GPR173: variants seen among roughly 807,000 people sequenced by gnomAD.
The protein encoded by GPR173 is G protein-coupled receptor 173.
A neutral mutation model predicts 13.9 loss-of-function variants in GPR173; 2 were observed. That is an observed-to-expected ratio of 0.14 (90% confidence interval 0.06 to 0.45). GPR173 has a LOEUF of 0.45. Ranked by LOEUF, GPR173 falls within the 20% of genes least tolerant of loss-of-function variation. The probability of loss-of-function intolerance (pLI) is 0.98; values close to 1 mark genes in which losing one functional copy is unlikely to be tolerated. For synonymous variants in GPR173, 131 were observed against 141.0 expected (o/e 0.93, Z 0.50); for missense variants, 202 against 340.5 (o/e 0.59, Z 3.20).
intron 1 of GPR173, among the ~76,000 whole-genome samples, chrX:53,060,045 T>C (rs199696900): frequency 1.4e-4 from 12 of 88,029 alleles, no homozygotes; most frequent in African/African-American, 3.4e-4. Flanking sequence ...CACACACACA[T>C]ACACACACGC....
In GPR173 at chrX:53,061,978, G is replaced by GGAAGA. The variant is rs201202237; in HGVS notation, c.-98+12498_-98+12499insAGAAG. ...GAGAGAGAAAGAGAGAGAAGAGAAG[G>GGAAGA]GAAGGGAAGAGAAAGAAGAGAAGAG... is the stretch of plus-strand genomic sequence containing the variant. On this transcript the variant is annotated intron_variant, in intron 1 of 1. Transcript: ENST00000332582. Among the ~76,000 whole-genome samples, 501 of 71,403 alleles carry GGAAGA rather than the reference G, an allele frequency of 7.0e-3. 5 individuals are homozygous for GGAAGA. Among genetic ancestry groups the GGAAGA allele is most frequent in the African/African-American group, 0.042 (418 of 10,049 alleles). 62.0% of individuals were successfully genotyped at this position (71,403 alleles called of 115,157 possible). A position where few individuals can be genotyped will look rare whatever the true frequency, so the allele number is the denominator to read the frequency against.
intron 1 of GPR173, among the ~76,000 whole-genome samples, chrX:53,059,951 G>A (rs1602089908): frequency 9.7e-6 from 1 of 103,620 alleles, no homozygotes; most frequent in African/African-American, 3.5e-5. Flanking sequence ...TCTCGCCATC[G>A]CACTCCAGCC....
chrX:53,066,659 C>CA (rs113775543), intron 1 of GPR173, among the ~76,000 whole-genome samples: 31,892 of 96,413 alleles, frequency 0.33, 4,778 homozygotes, highest in African/African-American at 0.55. Flanking sequence ...CAGCGAGACT[C>CA]AAAAAAAAAA....
intron 1 of GPR173, among the ~76,000 whole-genome samples, chrX:53,053,170 G>A (rs1931986527): frequency 8.9e-6 from 1 of 112,849 alleles, no homozygotes; most frequent in Non-Finnish European, 1.9e-5. Context: ...AAGTCTATGT[G>A]CATGTGAACA....
rs934047762 is a variant in GPR173 at position 53,079,690 on chromosome X, G to C, written c.*1947G>C. 5 of 121,519 alleles carry C rather than the reference G, an allele frequency of 4.1e-5. No individual in the cohort carries two copies. In the Admixed American group the frequency reaches 4.8e-4, roughly 12 times the overall value. The allele number at this position is 121,519 out of a possible 1,213,427, so 10.0% of individuals were successfully genotyped here. ...TGTGTGTCTGTGTGACTTTGTGTGG[G>C]GAGGCACTCCTGAAGAAAACTTGCC... On this transcript the variant is annotated 3_prime_UTR_variant, in exon 2 of 2. Transcript: ENST00000332582.
intron 1 of GPR173, among the ~76,000 whole-genome samples, chrX:53,067,622 A>G (rs7049463): frequency 0.013 from 1,398 of 111,183 alleles, 18 homozygotes; most frequent in African/African-American, 0.041. Context: ...TCAGGAGATC[A>G]AGACCATCCT....
rs1932513848 is a variant in GPR173, at chrX:53,080,155, G to GGACT, written c.*2414_*2417dup. ...CCCCACAAAGTAATGGCTTCTGGAG[G>GGACT]GACTGCTCAGTCTGGGATGGGAGCC... On this transcript the variant is annotated 3_prime_UTR_variant, in exon 2 of 2. Coordinates refer to ENST00000332582, the MANE Select transcript of GPR173 (RefSeq NM_018969.6). The GGACT allele has an allele frequency of 8.2e-6, 1 of 122,102 alleles. No individual in the cohort carries two copies. Among genetic ancestry groups the GGACT allele is most frequent in the Admixed American group, 9.6e-5 (1 of 10,427 alleles). The allele number at this position is 122,102 out of a possible 1,213,427, so 10.1% of individuals were successfully genotyped here.
chrX:53,073,410 G>T (rs1203947104), intron 1 of GPR173, among the ~76,000 whole-genome samples: 11 of 110,129 alleles, frequency 1.0e-4, no homozygotes, highest in Non-Finnish European at 1.5e-4. Flanking sequence ...CTGCCCAATT[G>T]CCTCACTGCC....
Position 53,077,857 on chromosome X carries a change from A to G in GPR173, c.*114A>G, listed in dbSNP as rs1303941606. On this transcript the variant is annotated 3_prime_UTR_variant, in exon 2 of 2. Transcript: ENST00000332582. The stretch of plus-strand genomic sequence containing the variant: ...GTCCTCCTTTCTGAGCTCCAGCCCC[A>G]GCCCCTCGAACCACCTGTAATCTAG... 2.4e-5 allele frequency: 14 copies of G among 586,865 alleles called. No homozygotes were observed. The highest frequency in any genetic ancestry group is 3.1e-5 in the South Asian group (1 of 32,671). The allele number at this position is 586,865 out of a possible 1,213,427, so 48.4% of individuals were successfully genotyped here. A position where few individuals can be genotyped will look rare whatever the true frequency, so the allele number is the denominator to read the frequency against.
intron 1 of GPR173, among the ~76,000 whole-genome samples, chrX:53,062,572 CTTTTTTTTT>C (rs1165015535): frequency 9.8e-5 from 4 of 41,011 alleles, no homozygotes; most frequent in Admixed American, 2.5e-4. Flanking sequence ...TTGTCTTCTT[CTTTTTTTTT>C]TTTTTTTTTT....
At chrX:53,064,232 C>T (rs1188838352) in intron 1 of GPR173, among the ~76,000 whole-genome samples, 3 of 111,752 alleles carry the variant, frequency 2.7e-5, no homozygotes, top group Middle Eastern at 4.2e-3. Context: ...TAGTCCATTT[C>T]GCGCTACTAT....
At chrX:53,073,478 T>G (rs982569991) in intron 1 of GPR173, among the ~76,000 whole-genome samples, 30 of 110,411 alleles carry the variant, frequency 2.7e-4, no homozygotes, top group African/African-American at 9.6e-4. Context: ...GGAGCTCTCC[T>G]CTTTCCTGCA....
intron 1 of GPR173, among the ~76,000 whole-genome samples, chrX:53,057,865 C>T (rs1396500388): frequency 1.8e-5 from 2 of 112,576 alleles, no homozygotes; most frequent in African/African-American, 3.2e-5. Flanking sequence ...GTCCTCTGCA[C>T]CATATAAGCC....
intron 1 of GPR173, among the ~76,000 whole-genome samples, chrX:53,062,547 GA>G (rs371168005): frequency 0.01 from 408 of 40,748 alleles, 8 homozygotes; most frequent in African/African-American, 0.033. Flanking sequence ...AAATCCAACA[GA>G]AAAAAAAAAA....
intron 1 of GPR173, among the ~76,000 whole-genome samples, chrX:53,072,393 G>GCTCTCTCTCTCTCTCTCTCTCT (rs111935395): frequency 3.3e-5 from 3 of 90,072 alleles, no homozygotes; most frequent in Admixed American, 1.2e-4. Context: ...TCTCTCTCTT[G>GCTCTCTCTCTCTCTCTCTCTCT]CTCTCTCTCT....
intron 1 of GPR173, among the ~76,000 whole-genome samples, chrX:53,057,442 A>T (rs1438206080): frequency 9.9e-6 from 1 of 101,307 alleles, no homozygotes; most frequent in Non-Finnish European, 2.0e-5. Flanking sequence ...AGAAAGAAAG[A>T]AAAAGAAAAA....
intron 1 of GPR173, among the ~76,000 whole-genome samples, chrX:53,067,397 CT>C (rs1393001681): frequency 2.7e-4 from 30 of 112,127 alleles, no homozygotes; most frequent in Non-Finnish European, 2.1e-4. Context: ...TAAAAATATT[CT>C]AACCCATCTC....
chrX:53,060,472 C>T (rs1220533756), intron 1 of GPR173, among the ~76,000 whole-genome samples: 3 of 105,668 alleles, frequency 2.8e-5, no homozygotes, highest in African/African-American at 1.0e-4. Flanking sequence ...CCCAGCTACT[C>T]GGGAGGCTGA....
intron 1 of GPR173, among the ~76,000 whole-genome samples, chrX:53,062,318 A>T (rs1157021085): frequency 9.1e-6 from 1 of 110,426 alleles, no homozygotes; most frequent in Non-Finnish European, 1.9e-5. Context: ...TCCAGCACCA[A>T]CTCAAAATTC....
Sources: allele counts gnomAD v4.1 joint callset (sites outside exome capture counted in the v4.1 genomes callset), GRCh38; gene constraint gnomAD v4.1.1; transcripts MANE v1.5; gene names NCBI Gene and HGNC (gene_info 2026-07-23, HGNC 2026-07-21).